The following SH2D4B variants were observed in gnomAD, a reference collection of about 807,000 sequenced individuals.
The protein encoded by SH2D4B is SH2 domain-containing protein 4B.
SH2D4B carries 45 observed loss-of-function variants against 61.5 expected under a neutral mutation model. The ratio of observed to expected loss-of-function variants is 0.73; its 90% CI spans 0.58 to 0.94. The LOEUF (loss-of-function observed/expected upper bound fraction) is 0.94. SH2D4B is among the 40% of genes least tolerant of loss of function. The pLI is 0.00. For synonymous variants in SH2D4B, 224 were observed against 220.4 expected, an observed-to-expected ratio of 1.02 and a Z score of -0.14; for missense variants, 572 against 574.2, an observed-to-expected ratio of 1.00 and a Z score of 0.04.
Position 80,539,683 on chromosome 10 carries a change from G to A in SH2D4B, c.184+1168G>A, listed in dbSNP as rs1841553082. On this transcript the variant is annotated intron_variant, in intron 1 of 7. Transcript: ENST00000646907. The surrounding 1 kb of genome is among the most constrained non-coding windows in gnomAD (Gnocchi z 4.9). ...AGGACCCACGCCTGCCCTGGCATTT[G>A]CCACCCTGTCATTGTCATTCCTCAT... Among the ~76,000 whole-genome samples, 1 of 152,090 alleles carries A rather than the reference G, an allele frequency of 6.6e-6. No homozygotes were observed. Among genetic ancestry groups the A allele is most frequent in the African/African-American group, 2.4e-5 (1 of 41,412 alleles).
At chr10:80,568,234 G>A (rs560926542) in intron 1 of SH2D4B, among the ~76,000 whole-genome samples, 1 of 152,228 alleles carries the variant, frequency 6.6e-6, no homozygotes, top group East Asian at 1.9e-4. Flanking sequence ...TCATGCAAGG[G>A]TTTTATTAAG....
chr10:80,623,543 G>A (rs1402560697), intron 6 of SH2D4B, among the ~76,000 whole-genome samples: 1 of 152,126 alleles, frequency 6.6e-6, no homozygotes, highest in Non-Finnish European at 1.5e-5. Flanking sequence ...AGGCTCGTGG[G>A]GATATCTCAT....
Position 80,538,471 on chromosome 10 carries a change from C to A in SH2D4B, c.140C>A (p.Ala47Asp). The change falls in exon 1 of 8, where the codon GCC becomes GAC. Residue 47 changes from alanine (A) to aspartate (D), a missense_variant. Coordinates refer to ENST00000646907, the MANE Select transcript of SH2D4B (RefSeq NM_001388272.1). The surrounding 1 kb of genome is among the most constrained non-coding windows in gnomAD (Gnocchi z 4.8). The stretch of plus-strand genomic sequence containing the variant: ...TGGAAGGAGCGGGAGACTTGGGAGG[C>A]CCTGGCCCAGGACGAGGGTCTCAGG... ...RRWKERETWE[A>D]LAQDEGLRPP... 1 of 1,465,232 alleles carries A rather than the reference C, an allele frequency of 6.8e-7. No homozygotes were observed. 90.8% of individuals were successfully genotyped at this position (1,465,232 alleles called of 1,614,324 possible).
At chr10:80,595,663 A>C (rs973541038) in intron 4 of SH2D4B, among the ~76,000 whole-genome samples, 2 of 152,228 alleles carry the variant, frequency 1.3e-5, no homozygotes, top group African/African-American at 4.8e-5. Context: ...TGAAAGCCTA[A>C]GAGATTGTGC....
chr10:80,540,931 C>G (rs1385370766), intron 1 of SH2D4B: 2 of 1,536,632 alleles, frequency 1.3e-6, no homozygotes, highest in Admixed American at 2.0e-5. Context: ...TCTCCAGATG[C>G]TGGTGAGACC....
intron 4 of SH2D4B, among the ~76,000 whole-genome samples, chr10:80,591,412 G>A (rs1244331287): frequency 6.6e-6 from 1 of 151,878 alleles, no homozygotes; most frequent in Non-Finnish European, 1.5e-5. Flanking sequence ...GCTGAGTCTG[G>A]TAAGGGCCTT....
At chr10:80,559,118 C>CA (rs1033034027) in intron 1 of SH2D4B, among the ~76,000 whole-genome samples, 1 of 151,350 alleles carries the variant, frequency 6.6e-6, no homozygotes, top group South Asian at 2.1e-4. Context: ...TTACATTTTC[C>CA]AAAAAACAAA....
chr10:80,588,615 C>T lies in SH2D4B; in HGVS notation c.496-15C>T. Reference sequence around the variant, plus strand: ...TGTGGTCATCTCGTGTTGTTCTGTTCCCATGACATTTTAGAGGAAAGAGGA... The same window carrying T: ...TGTGGTCATCTCGTGTTGTTCTGTTTCCATGACATTTTAGAGGAAAGAGGA... On this transcript the variant is annotated splice_polypyrimidine_tract_variant and intron_variant, in intron 3 of 7. Coordinates refer to ENST00000646907, the MANE Select transcript of SH2D4B (RefSeq NM_001388272.1). 6.2e-7 allele frequency: 1 copy of T among 1,613,232 alleles called. No homozygotes were observed. Among genetic ancestry groups the T allele is most frequent in the South Asian group, 1.1e-5 (1 of 91,016 alleles).
intron 5 of SH2D4B, 118 bp downstream of exon 5, chr10:80,603,913 T>A (rs1842484827): frequency 2.3e-6 from 2 of 869,826 alleles, no homozygotes; most frequent in Non-Finnish European, 3.5e-6. Flanking sequence ...GGGCTAGCAT[T>A]TCCCCTCTGG....
At chr10:80,570,376 C>A in intron 2 of SH2D4B, 60 bp downstream of exon 2, 2 of 1,570,102 alleles carry the variant, frequency 1.3e-6, no homozygotes, top group East Asian at 2.3e-5. Flanking sequence ...CTTAGCCCCA[C>A]GCACGGCTAA....
At position 80,588,708 on chromosome 10, in the gene SH2D4B, T is replaced by C; in HGVS notation, c.574T>C (p.Trp192Arg). Reference sequence around the variant, plus strand: ...AGAGCAGAGGGCGAAGGAGCTCTACTGGACCCTGAAGCAGGCTCAGCTGCA... The same window carrying C: ...AGAGCAGAGGGCGAAGGAGCTCTACCGGACCCTGAAGCAGGCTCAGCTGCA... ...QEEQRAKELY[W>R]TLKQAQLHCQ... Residue 192 changes from tryptophan to arginine, a missense_variant, in exon 4 of 8, where the codon TGG (tryptophan) becomes CGG (arginine). Physicochemically the swap from Trp to Arg is moderately radical, Grantham distance 101 (BLOSUM62 -3). Coordinates refer to ENST00000646907, the MANE Select transcript of SH2D4B (RefSeq NM_001388272.1). 1 of 1,614,108 alleles carries C rather than the reference T, an allele frequency of 6.2e-7. No homozygotes were observed.
At chr10:80,540,016 A>G (rs1278718139) in intron 1 of SH2D4B, among the ~76,000 whole-genome samples, 1 of 152,158 alleles carries the variant, frequency 6.6e-6, no homozygotes, top group African/African-American at 2.4e-5. Flanking sequence ...TGCCTGCATG[A>G]TGACTCTTCT....
In SH2D4B at chr10:80,600,848, C is replaced by A. The variant is rs956515317; in HGVS notation, c.644-2731C>A. ...TGTCTGTCACTGAATGTCACTGTCT[C>A]TCAGGGGCTGTAATCTTCCAAAAGT... On this transcript the variant is annotated intron_variant, in intron 4 of 7. Transcript: ENST00000646907. Among the ~76,000 whole-genome samples, 5 of 152,202 alleles carry A rather than the reference C, an allele frequency of 3.3e-5. 1 individual carries two copies. In the East Asian group the frequency reaches 9.6e-4, roughly 29 times the overall value.
intron 5 of SH2D4B, among the ~76,000 whole-genome samples, chr10:80,604,258 G>C (rs1444809196): frequency 6.6e-6 from 1 of 152,236 alleles, no homozygotes; most frequent in Admixed American, 6.5e-5. Context: ...TAGGTTTGCA[G>C]TTTAGCATGG....
chr10:80,634,790 C>T (rs1427475725), intron 7 of SH2D4B, among the ~76,000 whole-genome samples: 1 of 152,204 alleles, frequency 6.6e-6, no homozygotes, highest in Non-Finnish European at 1.5e-5. Flanking sequence ...CTCCTGTTAA[C>T]ACAAGGACTG....
chr10:80,566,004 T>C (rs1469022390), intron 1 of SH2D4B, among the ~76,000 whole-genome samples: 2 of 135,498 alleles, frequency 1.5e-5, no homozygotes, highest in South Asian at 2.5e-4. Context: ...GGCAGGAAGA[T>C]GGCGTGAACC....
rs1448973542 is a variant in SH2D4B at position 80,588,784 on chromosome 10, A to G, written c.643+7A>G. 3.7e-6 allele frequency: 6 copies of G among 1,613,776 alleles called. No individual in the cohort carries two copies. The highest frequency in any genetic ancestry group is 5.1e-6 in the Non-Finnish European group (6 of 1,179,980). ...CGAGAGTGGGAAGAACAGTGTGAGT[A>G]GAGCTTGTGCCTCAGGCAGGGAGAC... On this transcript the variant is annotated splice_region_variant and intron_variant, in intron 4 of 7. Coordinates refer to ENST00000646907, the MANE Select transcript of SH2D4B (RefSeq NM_001388272.1).
At chr10:80,591,423 C>T (rs1842324972) in intron 4 of SH2D4B, among the ~76,000 whole-genome samples, 3 of 150,606 alleles carry the variant, frequency 2.0e-5, no homozygotes, top group African/African-American at 7.3e-5. Flanking sequence ...TAAGGGCCTT[C>T]TTGCTAGTGG....
chr10:80,570,863 T>A (rs1000617979), intron 2 of SH2D4B, among the ~76,000 whole-genome samples: 2 of 151,998 alleles, frequency 1.3e-5, no homozygotes, highest in African/African-American at 4.8e-5. Context: ...CTTATGAATT[T>A]ATTTATTTAT....
Sources: allele counts gnomAD v4.1 joint callset (sites outside exome capture counted in the v4.1 genomes callset), GRCh38; gene constraint gnomAD v4.1.1; non-coding constraint Gnocchi (gnomAD v3.1); transcripts MANE v1.5; gene names NCBI Gene and HGNC (gene_info 2026-07-23, HGNC 2026-07-21).